Variants in NAA50 observed in about 807,000 individuals in gnomAD.
The protein encoded by NAA50 is N-alpha-acetyltransferase 50.
NAA50 carries 7 observed loss-of-function variants against 20.7 expected under a neutral mutation model. The ratio of observed to expected loss-of-function variants is 0.34; its 90% CI spans 0.19 to 0.63. The LOEUF is 0.63. Ranked by LOEUF, NAA50 falls within the 30% of genes least tolerant of loss-of-function variation. The probability of loss-of-function intolerance (pLI) is 0.75; values close to 1 mark genes in which losing one functional copy is unlikely to be tolerated. For missense variants in NAA50, 111 were observed against 199.1 expected (o/e 0.56, Z 2.66); for synonymous variants, 54 against 70.6 (o/e 0.77, Z 1.18).
Position 113,717,776 on chromosome 3 carries a change from CT to C in NAA50, c.*3983del, listed in dbSNP as rs1279498626. On this transcript the variant is annotated 3_prime_UTR_variant, in exon 5 of 5. Coordinates refer to ENST00000240922, the MANE Select transcript of NAA50 (RefSeq NM_025146.4). ...AGCACAGCCTTTAGACCCACTATTT[CT>C]TTTATATCCCGAATAACTGTAAAGT... The C allele has an allele frequency of 6.6e-6, 1 of 152,168 alleles. No individual in the cohort carries two copies. Among genetic ancestry groups the C allele is most frequent in the Non-Finnish European group, 1.5e-5 (1 of 68,046 alleles). The allele number at this position is 152,168 out of a possible 1,614,324, so 9.4% of individuals were successfully genotyped here.
At chr3:113,723,814 T>C in intron 2 of NAA50, 145 bp downstream of exon 2, 1 of 959,368 alleles carries the variant, frequency 1.0e-6, no homozygotes, top group Non-Finnish European at 1.5e-6. Context: ...CTCTGAGATT[T>C]TTCTCACAAC....
intron 1 of NAA50, among the ~76,000 whole-genome samples, chr3:113,730,478 C>T (rs1466766748): frequency 6.6e-6 from 1 of 151,644 alleles, no homozygotes; most frequent in East Asian, 1.9e-4. Flanking sequence ...CTTTTTAAAG[C>T]TTACATAAAA....
intron 1 of NAA50, among the ~76,000 whole-genome samples, chr3:113,744,100 T>C (rs530151842): frequency 2.4e-4 from 36 of 152,248 alleles, no homozygotes; most frequent in Admixed American, 2.1e-3. Flanking sequence ...TAACAGAACA[T>C]GACAAACAAG....
chr3:113,742,203 C>T (rs1708426224), intron 1 of NAA50, among the ~76,000 whole-genome samples: 1 of 152,166 alleles, frequency 6.6e-6, no homozygotes. Flanking sequence ...CTACGTCAGC[C>T]TGACTAGCTT....
chr3:113,740,702 A>G, intron 1 of NAA50: 1 of 164,984 alleles, frequency 6.1e-6, no homozygotes, highest in South Asian at 1.5e-4. Flanking sequence ...ACACTTTAAA[A>G]TTTAAAATTT....
Position 113,717,709 on chromosome 3 carries a change from G to C in NAA50, c.*4051C>G, listed in dbSNP as rs1199451954. ...ATCAGTGAGAACAGCATCAGTCTGA[G>C]ACAGACTAGTCTCCCCTCCCCACTG... On this transcript the variant is annotated 3_prime_UTR_variant, in exon 5 of 5. Transcript: ENST00000240922. 6.6e-6 allele frequency: 1 copy of C among 152,236 alleles called. No individual in the cohort carries two copies. The allele number at this position is 152,236 out of a possible 1,614,324, so 9.4% of individuals were successfully genotyped here.
At chr3:113,723,379 G>A (rs1386902055) in intron 3 of NAA50, 43 bp downstream of exon 3, 2 of 1,568,790 alleles carry the variant, frequency 1.3e-6, no homozygotes, top group African/African-American at 2.7e-5. Context: ...CAAATAATAT[G>A]TTTATGCTTC....
chr3:113,724,055 T>C lies in NAA50; in HGVS notation c.49A>G (p.Lys17Glu). The C allele has an allele frequency of 6.2e-7, 1 of 1,607,600 alleles. No homozygotes were observed. Among genetic ancestry groups the C allele is most frequent in the Non-Finnish European group, 8.5e-7 (1 of 1,176,796 alleles). Reference protein sequence around the residue: ...ELGDVTPHNIKQLKRLNQVIF... With the variant: ...ELGDVTPHNIEQLKRLNQVIF... ...ACCTGATTCAATCTTTTCAACTGTTTAATATTGTGTGGTGTCACATCTCCC... is the reference window on the plus strand; with the variant it reads ...ACCTGATTCAATCTTTTCAACTGTTCAATATTGTGTGGTGTCACATCTCCC... The change falls in exon 2 of 5, where the codon AAA becomes GAA. Residue 17 changes from lysine to glutamate, a missense_variant. Transcript: ENST00000240922.
intron 1 of NAA50, among the ~76,000 whole-genome samples, chr3:113,725,695 G>A (rs1445097710): frequency 6.6e-6 from 1 of 152,132 alleles, no homozygotes. Context: ...GAGCCTGGAA[G>A]GTCGAGGCTG....
intron 1 of NAA50, among the ~76,000 whole-genome samples, chr3:113,741,534 C>G (rs565876205): frequency 6.6e-6 from 1 of 152,220 alleles, no homozygotes; most frequent in Non-Finnish European, 1.5e-5. Flanking sequence ...AGATATCACA[C>G]AGCTGAAAGC....
At chr3:113,743,122 A>G (rs1022778229) in intron 1 of NAA50, among the ~76,000 whole-genome samples, 2 of 152,226 alleles carry the variant, frequency 1.3e-5, no homozygotes, top group South Asian at 4.1e-4. Context: ...TTTATCTTCT[A>G]TGGAGGAAAG....
In NAA50 at chr3:113,716,795, A is replaced by G. The variant is rs1284069550; in HGVS notation, c.*4965T>C. ...TTCAGTTAAATCAGGAATATCTAAT[A>G]CAAAGCTTACAAACTCCAAAATAGT... On this transcript the variant is annotated 3_prime_UTR_variant, in exon 5 of 5. Coordinates refer to ENST00000240922, the MANE Select transcript of NAA50 (RefSeq NM_025146.4). 6.6e-6 allele frequency: 1 copy of G among 152,230 alleles called. No individual in the cohort carries two copies. Among genetic ancestry groups the G allele is most frequent in the African/African-American group, 2.4e-5 (1 of 41,468 alleles). The allele number at this position is 152,230 out of a possible 1,614,324, so 9.4% of individuals were successfully genotyped here. A position where few individuals can be genotyped will look rare whatever the true frequency, so the allele number is the denominator to read the frequency against.
chr3:113,734,770 G>A (rs1421449683), intron 1 of NAA50, among the ~76,000 whole-genome samples: 1 of 152,208 alleles, frequency 6.6e-6, no homozygotes, highest in African/African-American at 2.4e-5. Context: ...AATTTCAGCA[G>A]TGTCCAGACA....
chr3:113,732,409 C>A (rs1708283233), intron 1 of NAA50, among the ~76,000 whole-genome samples: 2 of 152,136 alleles, frequency 1.3e-5, no homozygotes, highest in African/African-American at 4.8e-5. Flanking sequence ...GTATTAGTAT[C>A]CTAGGGCTAT....
At chr3:113,744,279 TAGTC>T (rs1452965064) in intron 1 of NAA50, among the ~76,000 whole-genome samples, 8 of 151,930 alleles carry the variant, frequency 5.3e-5, no homozygotes, top group Non-Finnish European at 1.0e-4. Flanking sequence ...CTGGCCAACA[TAGTC>T]AGACCCCCGT....
intron 1 of NAA50, among the ~76,000 whole-genome samples, chr3:113,743,598 C>CA (rs1254002708): frequency 2.6e-5 from 4 of 151,554 alleles, no homozygotes; most frequent in African/African-American, 4.8e-5. Context: ...GACTTAGAAG[C>CA]AAAAAAAATT....
Position 113,729,543 on chromosome 3 carries a change from TTTC to T in NAA50, c.9-5451_9-5449del, listed in dbSNP as rs201158865. Among the ~76,000 whole-genome samples, 370 of 149,042 alleles carry T rather than the reference TTTC, an allele frequency of 2.5e-3. 1 individual carries two copies. Among genetic ancestry groups the T allele is most frequent in the East Asian group, 5.9e-3 (30 of 5,078 alleles). On this transcript the variant is annotated intron_variant, in intron 1 of 4. Transcript: ENST00000240922. ...GTTCATTAATACGCAGTTTTCTTTC[TTTC>T]TTTTTTTTTTTTTGAGATGAGGGTC...
chr3:113,727,827 A>C (rs1243048226), intron 1 of NAA50, among the ~76,000 whole-genome samples: 1 of 152,178 alleles, frequency 6.6e-6, no homozygotes, highest in Non-Finnish European at 1.5e-5. Context: ...GCTGTTTTTG[A>C]GAAATTAATT....
chr3:113,725,503 G>C (rs1406530661), intron 1 of NAA50, among the ~76,000 whole-genome samples: 2 of 152,064 alleles, frequency 1.3e-5, no homozygotes, highest in Non-Finnish European at 1.5e-5. Context: ...TGGGCATGAA[G>C]GCCTGTAATC....
Sources: gnomAD v4.1 joint callset for allele counts (sites outside exome capture counted in the v4.1 genomes callset) on GRCh38, gnomAD v4.1.1 for gene constraint, MANE v1.5 for transcripts, NCBI Gene and HGNC (gene_info 2026-07-23, HGNC 2026-07-21) for gene names.